UGGT2: variants seen among roughly 807,000 people sequenced by gnomAD.
UGGT2 encodes the protein UDP-glucose glycoprotein glucosyltransferase 2.
Under a neutral mutation model 192.1 loss-of-function variants are expected in UGGT2, and 180 were observed. The observed-to-expected ratio is 0.94, with a 90% confidence interval of 0.83 to 1.06. The LOEUF is 1.06. UGGT2 is among the 50% of genes least tolerant of loss of function. UGGT2 has a pLI of 0.00. For synonymous variants in UGGT2, 580 were observed against 591.0 expected, an observed-to-expected ratio of 0.98 and a Z score of 0.27; for missense variants, 1,849 against 1,795.7, an observed-to-expected ratio of 1.03 and a Z score of -0.54.
intron 37 of UGGT2, among the ~76,000 whole-genome samples, chr13:95,834,348 G>A (rs1887054532): frequency 6.6e-6 from 1 of 151,984 alleles, no homozygotes; most frequent in Non-Finnish European, 1.5e-5. Context: ...GATGGCCGGG[G>A]AGTGGTGGGG....
At chr13:96,037,563 A>G (rs1339856971) in intron 1 of UGGT2, among the ~76,000 whole-genome samples, 6 of 152,222 alleles carry the variant, frequency 3.9e-5, no homozygotes, top group African/African-American at 1.2e-4. Context: ...TGTTTCCTAC[A>G]TAAGACTATA....
At chr13:95,924,133 T>C (rs987550440) in intron 20 of UGGT2, among the ~76,000 whole-genome samples, 1 of 152,170 alleles carries the variant, frequency 6.6e-6, no homozygotes, top group East Asian at 1.9e-4. Flanking sequence ...GTTCTAATGA[T>C]ACTTGGGTTT....
At chr13:95,863,794 G>A in intron 30 of UGGT2, 80 bp from the exon 31 acceptor site, 1 of 1,093,614 alleles carries the variant, frequency 9.1e-7, no homozygotes, top group Non-Finnish European at 1.4e-6. Flanking sequence ...AACATATTGG[G>A]CGAGATTACC....
In UGGT2 at chr13:95,884,511, C is replaced by T. The variant is rs766796223; in HGVS notation, c.3208G>A (p.Asp1070Asn). ...VETVHSNCDL[D>N]NIHLKDTEKT... ...CTTACATCCTTTAAGTGAATATTATCAAGGTCACAGTTGCTGTGCACTGTT... is the reference window on the plus strand; with the variant it reads ...CTTACATCCTTTAAGTGAATATTATTAAGGTCACAGTTGCTGTGCACTGTT... Residue 1070 changes from aspartate to asparagine, a missense_variant, in exon 27 of 39, where the codon GAT becomes AAT. Coordinates refer to ENST00000376747, the MANE Select transcript of UGGT2 (RefSeq NM_020121.4). The T allele has an allele frequency of 1.2e-6, 2 of 1,611,276 alleles. No individual in the cohort carries two copies. The highest frequency in any genetic ancestry group is 8.5e-7 in the Non-Finnish European group (1 of 1,178,986).
chr13:95,982,276 C>G (rs1388444552), intron 10 of UGGT2, among the ~76,000 whole-genome samples: 1 of 152,192 alleles, frequency 6.6e-6, no homozygotes, highest in Non-Finnish European at 1.5e-5. Flanking sequence ...TAACAAAGAA[C>G]AGCCTGTAAA....
At chr13:96,012,234 T>C (rs2052184319) in intron 5 of UGGT2, among the ~76,000 whole-genome samples, 2 of 152,004 alleles carry the variant, frequency 1.3e-5, no homozygotes, top group African/African-American at 4.8e-5. Flanking sequence ...CAATAATTTT[T>C]CATATGGAAA....
At chr13:95,854,161 G>A (rs1316167097) in intron 35 of UGGT2, among the ~76,000 whole-genome samples, 154 bp downstream of exon 35, 4 of 152,098 alleles carry the variant, frequency 2.6e-5, no homozygotes, top group African/African-American at 9.7e-5. Context: ...ATACGTAAAG[G>A]CTTACAAGAG....
Position 95,939,445 on chromosome 13 carries a change from T to C in UGGT2, c.1812+512A>G, listed in dbSNP as rs530331718. Among the ~76,000 whole-genome samples, 15 of 150,808 alleles carry C rather than the reference T, an allele frequency of 9.9e-5. No individual in the cohort carries two copies. The South Asian group carries it at 2.9e-3, about 30-fold the overall frequency. The stretch of plus-strand genomic sequence containing the variant: ...TTTTGGAATTTCTTTGTACTATTTC[T>C]CTTTCTCTGAAAATTTCTTTGAGTT... On this transcript the variant is annotated intron_variant, in intron 16 of 38. Transcript: ENST00000376747.
At chr13:96,042,333 G>A (rs2053188644) in intron 1 of UGGT2, among the ~76,000 whole-genome samples, 1 of 152,142 alleles carries the variant, frequency 6.6e-6, no homozygotes, top group African/African-American at 2.4e-5. Context: ...TACATCAAGG[G>A]AACACCTCTA....
At chr13:95,843,642 G>A (rs189056485) in intron 36 of UGGT2, among the ~76,000 whole-genome samples, 36 of 151,756 alleles carry the variant, frequency 2.4e-4, no homozygotes, top group African/African-American at 8.2e-4. Context: ...TTTTACTTAC[G>A]GCATATTAGG....
intron 12 of UGGT2, among the ~76,000 whole-genome samples, chr13:95,953,852 G>A (rs1237011577): frequency 6.6e-6 from 1 of 152,134 alleles, no homozygotes; most frequent in East Asian, 1.9e-4. Context: ...TTGAAGGGAA[G>A]GCTGCCAGAG....
chr13:95,851,051 T>C (rs1385898752), intron 36 of UGGT2, among the ~76,000 whole-genome samples: 5 of 152,232 alleles, frequency 3.3e-5, no homozygotes, highest in Non-Finnish European at 5.9e-5. Context: ...GAGGTCTTAA[T>C]TGAATTTGTA....
intron 36 of UGGT2, among the ~76,000 whole-genome samples, chr13:95,849,932 T>A (rs1013884715): frequency 2.0e-5 from 3 of 150,852 alleles, no homozygotes; most frequent in Non-Finnish European, 3.0e-5. Context: ...TTTTGTTTTT[T>A]TTTTTGGTCA....
intron 17 of UGGT2, among the ~76,000 whole-genome samples, chr13:95,928,261 C>G (rs2049102078): frequency 6.6e-6 from 1 of 151,770 alleles, no homozygotes; most frequent in African/African-American, 2.4e-5. Flanking sequence ...GGGGCTGCCC[C>G]CTACCTCCTG....
At chr13:95,887,405 A>G in intron 26 of UGGT2, 1 of 443,804 alleles carries the variant, frequency 2.3e-6, no homozygotes, top group Non-Finnish European at 4.5e-6. Context: ...TTGAGAGAGA[A>G]TGTTATTTCA....
At chr13:95,811,232 C>G (rs989857043) in intron 38 of UGGT2, among the ~76,000 whole-genome samples, 1 of 152,066 alleles carries the variant, frequency 6.6e-6, no homozygotes, top group African/African-American at 2.4e-5. Flanking sequence ...ACCATATGAC[C>G]CAGTGATTTC....
intron 12 of UGGT2, among the ~76,000 whole-genome samples, chr13:95,956,345 A>G (rs1024388719): frequency 1.3e-5 from 2 of 152,216 alleles, no homozygotes; most frequent in Non-Finnish European, 2.9e-5. Flanking sequence ...ATTTTGTTGT[A>G]CATCAAAGGA....
intron 1 of UGGT2, among the ~76,000 whole-genome samples, chr13:96,045,429 G>A (rs1486955608): frequency 6.6e-6 from 1 of 152,020 alleles, no homozygotes; most frequent in Non-Finnish European, 1.5e-5. Flanking sequence ...CTGGAACAAG[G>A]CAACCATGCC....
intron 15 of UGGT2, among the ~76,000 whole-genome samples, chr13:95,943,360 T>C (rs2049754934): frequency 6.6e-6 from 1 of 152,042 alleles, no homozygotes; most frequent in South Asian, 2.1e-4. Context: ...AGGTAAACTT[T>C]CATGGCTATA....
Sources: allele counts gnomAD v4.1 joint callset (sites outside exome capture counted in the v4.1 genomes callset), GRCh38; gene constraint gnomAD v4.1.1; transcripts MANE v1.5; gene names NCBI Gene and HGNC (gene_info 2026-07-23, HGNC 2026-07-21).